Variants in PRIM2 observed in about 807,000 individuals in gnomAD.
PRIM2 encodes the protein DNA primase subunit 2.
In PRIM2, 39 loss-of-function variants were observed where a neutral mutation model predicts 67.3. The ratio of observed to expected loss-of-function variants is 0.58; its 90% CI spans 0.45 to 0.76. PRIM2 has a LOEUF of 0.76. Ranked by LOEUF, PRIM2 falls within the 30% of genes least tolerant of loss-of-function variation. PRIM2 has a pLI of 0.00. For missense variants in PRIM2, 398 were observed against 598.7 expected, an observed-to-expected ratio of 0.66 and a Z score of 3.50; for synonymous variants, 143 against 198.7, an observed-to-expected ratio of 0.72 and a Z score of 2.36.
At chr6:57,351,823 T>C (rs929925028) in intron 5 of PRIM2, among the ~76,000 whole-genome samples, 2 of 152,054 alleles carry the variant, frequency 1.3e-5, no homozygotes, top group African/African-American at 4.8e-5. Flanking sequence ...TTTGCAACTG[T>C]GAAAACAAAG....
In PRIM2 at chr6:57,443,850, C is replaced by A. The variant is rs549670201; in HGVS notation, c.693+61682C>A. 5.2e-3 allele frequency among the ~76,000 whole-genome samples: 790 copies of A among 151,776 alleles called. 4 individuals carry two copies. Among genetic ancestry groups the A allele is most frequent in the Non-Finnish European group, 8.4e-3 (568 of 67,964 alleles). On this transcript the variant is annotated intron_variant, in intron 7 of 13. Coordinates refer to ENST00000615550, the MANE Select transcript of PRIM2 (RefSeq NM_000947.5). ...AAAAAGTGATTGCCTAGATCAATGTCATGTAGTTTTTCCCATATGTTGTCT... is the reference window on the plus strand; with the variant it reads ...AAAAAGTGATTGCCTAGATCAATGTAATGTAGTTTTTCCCATATGTTGTCT...
intron 7 of PRIM2, among the ~76,000 whole-genome samples, chr6:57,439,242 TA>T (rs1772114841): frequency 6.6e-6 from 1 of 152,116 alleles, no homozygotes; most frequent in African/African-American, 2.4e-5. Context: ...TAGAAAAACT[TA>T]AATATGCATT....
chr6:57,561,303 C>T (rs2127478205), intron 10 of PRIM2, among the ~76,000 whole-genome samples: 1 of 152,208 alleles, frequency 6.6e-6, no homozygotes, highest in East Asian at 1.9e-4. Flanking sequence ...GTGATCTGGG[C>T]TCACTGGAAC....
chr6:57,400,410 A>G (rs1334772614), intron 7 of PRIM2, among the ~76,000 whole-genome samples: 3 of 152,204 alleles, frequency 2.0e-5, no homozygotes. Flanking sequence ...TCTTTAATAA[A>G]TATTGAATAT....
intron 12 of PRIM2, among the ~76,000 whole-genome samples, chr6:57,611,498 G>T (rs1776665469): frequency 6.6e-6 from 1 of 152,120 alleles, no homozygotes; most frequent in South Asian, 2.1e-4. Context: ...TTAAACAAAG[G>T]TGCCAGGGCA....
At chr6:57,229,234 C>T in the PRIM2 span, among the ~76,000 whole-genome samples, 1 of 152,106 alleles carries the variant, frequency 6.6e-6, no homozygotes, top group African/African-American at 2.4e-5. Flanking sequence ...TGATCCTAAA[C>T]CCCTCTTATA....
intron 13 of PRIM2, among the ~76,000 whole-genome samples, chr6:57,640,192 A>G (rs1346587939): frequency 0.035 from 5,324 of 152,272 alleles, 116 homozygotes; most frequent in Non-Finnish European, 0.052. Context: ...ACATCCCTTC[A>G]TGCTAAAAAC....
the PRIM2 span, among the ~76,000 whole-genome samples, chr6:57,249,697 A>G: frequency 2.6e-5 from 4 of 152,154 alleles, no homozygotes; most frequent in Admixed American, 1.3e-4. Context: ...AGCTGAGACC[A>G]TGCCATTGCA....
At chr6:57,299,464 A>G in the PRIM2 span, among the ~76,000 whole-genome samples, 1 of 152,138 alleles carries the variant, frequency 6.6e-6, no homozygotes, top group African/African-American at 2.4e-5. Flanking sequence ...TATGCCATCA[A>G]TGGTTCTAGG....
At chr6:57,536,661 G>T (rs1482225619) in intron 9 of PRIM2, among the ~76,000 whole-genome samples, 2 of 152,178 alleles carry the variant, frequency 1.3e-5, no homozygotes, top group Non-Finnish European at 2.9e-5. Context: ...TAGTAATAAA[G>T]AAATGAGCTT....
chr6:57,565,994 G>C (rs1482670678), intron 10 of PRIM2, among the ~76,000 whole-genome samples: 123 of 151,808 alleles, frequency 8.1e-4, no homozygotes, highest in African/African-American at 2.7e-3. Flanking sequence ...TGTTAGATTT[G>C]GTGTTGTCTC....
chr6:57,380,020 C>G (rs1769901168), intron 6 of PRIM2, 24 bp downstream of exon 6: 1 of 1,529,370 alleles, frequency 6.5e-7, no homozygotes, highest in South Asian at 1.2e-5. Flanking sequence ...TAAAATACTT[C>G]CTAGGTTTTG....
the PRIM2 span, among the ~76,000 whole-genome samples, chr6:57,287,848 A>G: frequency 6.6e-6 from 1 of 152,096 alleles, no homozygotes; most frequent in Non-Finnish European, 1.5e-5. Context: ...TGCAGCTCCC[A>G]GCAAGATTGA....
the PRIM2 span, among the ~76,000 whole-genome samples, chr6:57,291,951 C>T: frequency 6.6e-6 from 1 of 152,142 alleles, no homozygotes; most frequent in African/African-American, 2.4e-5. Context: ...CAAGGATGCC[C>T]TCTCTTACCA....
rs1456038301 is a variant in PRIM2 at position 57,557,318 on chromosome 6, G to A, written c.1020+19693G>A. Among the ~76,000 whole-genome samples the A allele has an allele frequency of 3.2e-4, 48 of 151,376 alleles. 1 individual carries two copies. Among genetic ancestry groups the A allele is most frequent in the Middle Eastern group, 3.4e-3 (1 of 294 alleles). On this transcript the variant is annotated intron_variant, in intron 10 of 13. Transcript: ENST00000615550. ...TTCTACCATAAAGACATATGCACGC[G>A]AATGTTCATTGCAGCACTATTCACA...
chr6:57,499,152 A>G (rs1774073575), intron 7 of PRIM2, among the ~76,000 whole-genome samples: 2 of 152,220 alleles, frequency 1.3e-5, no homozygotes, highest in Admixed American at 6.5e-5. Context: ...TATGCTTTCT[A>G]ACTAATCTAT....
chr6:57,240,156 A>G, the PRIM2 span, among the ~76,000 whole-genome samples: 119 of 140,974 alleles, frequency 8.4e-4, no homozygotes, highest in African/African-American at 3.1e-3. Context: ...CTGGAGTGCA[A>G]TGGCGCGATC....
the PRIM2 span, among the ~76,000 whole-genome samples, chr6:57,263,267 G>T: frequency 6.6e-6 from 1 of 152,200 alleles, no homozygotes; most frequent in Non-Finnish European, 1.5e-5. Flanking sequence ...AATATACCAA[G>T]AATTGGCTTA....
chr6:57,640,694 G>A (rs1242166768), intron 13 of PRIM2, among the ~76,000 whole-genome samples: 2 of 152,054 alleles, frequency 1.3e-5, no homozygotes, highest in African/African-American at 4.8e-5. Context: ...CCTCTTGAAG[G>A]AGAACTACAA....
Sources: allele counts gnomAD v4.1 joint callset (sites outside exome capture counted in the v4.1 genomes callset), GRCh38; gene constraint gnomAD v4.1.1; transcripts MANE v1.5; gene names NCBI Gene and HGNC (gene_info 2026-07-23, HGNC 2026-07-21).